The following KALRN variants were observed in gnomAD, a reference collection of about 807,000 sequenced individuals.
KALRN encodes kalirin RhoGEF kinase, also known as kalirin.
In KALRN, 70 loss-of-function variants were observed where a neutral mutation model predicts 353.7. The ratio of observed to expected loss-of-function variants is 0.20; its 90% confidence interval spans 0.16 to 0.24. The LOEUF is 0.24. Ranked by LOEUF, KALRN falls within the 10% of genes least tolerant of loss-of-function variation. The pLI is 1.00. For missense variants in KALRN, 2,791 were observed against 3,756.7 expected, an observed-to-expected ratio of 0.74 and a Z score of 6.72; for synonymous variants, 1,391 against 1,434.8, an observed-to-expected ratio of 0.97 and a Z score of 0.69.
chr3:124,538,437 G>A (rs1404444169), intron 33 of KALRN, among the ~76,000 whole-genome samples: 3 of 152,164 alleles, frequency 2.0e-5, no homozygotes, highest in Non-Finnish European at 1.5e-5. Flanking sequence ...TGTGTGCATT[G>A]TGAATAAGGT....
At chr3:124,553,780 C>T (rs1229814786) in intron 33 of KALRN, among the ~76,000 whole-genome samples, 2 of 152,234 alleles carry the variant, frequency 1.3e-5, no homozygotes, top group African/African-American at 2.4e-5. Context: ...CCAGGAGATG[C>T]CTCCCTGTAG....
chr3:124,488,268 G>C lies in KALRN; in HGVS notation c.4349G>C (p.Ser1450Thr). 2 of 1,614,056 alleles carry C rather than the reference G, an allele frequency of 1.2e-6. No individual in the cohort carries two copies. The highest frequency in any genetic ancestry group is 1.7e-6 in the Non-Finnish European group (2 of 1,179,932). ...AAGGATGGCCTGGAGGTGATGCTCA[G>C]TGTCCCAAAGAAAGCCAATGATGCC... ...ELKDGLEVML[S>T]VPKKANDAMH... is the part of the protein sequence containing the mutation. Residue 1450 changes from serine (S) to threonine (T), a missense_variant, in exon 29 of 60, where the codon AGT becomes ACT. Ser to Thr is a moderately conservative substitution (Grantham distance 58). Around this residue, in one of 11 missense-constraint regions of KALRN, gnomAD observed 54 missense variants for 131.7 expected, o/e 0.41. Transcript: ENST00000682506.
At chr3:124,063,508 C>T (rs1334041232) in intron 1 of KALRN, among the ~76,000 whole-genome samples, 1 of 151,970 alleles carries the variant, frequency 6.6e-6, no homozygotes, top group Non-Finnish European at 1.5e-5. Flanking sequence ...GATGTGGGTG[C>T]GATGGGGGAA....
intron 6 of KALRN, among the ~76,000 whole-genome samples, chr3:124,302,559 G>T (rs146658953): frequency 3.0e-4 from 46 of 152,294 alleles, no homozygotes; most frequent in African/African-American, 1.1e-3. Flanking sequence ...TAACTTACCT[G>T]TTCTGTTTTA....
chr3:124,286,082 C>CCTTCCTTTCTTTCTTT (rs1553893895), intron 5 of KALRN, among the ~76,000 whole-genome samples: 1,358 of 102,214 alleles, frequency 0.013, 16 homozygotes, highest in South Asian at 0.023. Flanking sequence ...TTCTTTCCTT[C>CCTTCCTTTCTTTCTTT]CTTTCTTTCT....
At chr3:124,434,873 A>G (rs1489208891) in intron 17 of KALRN, among the ~76,000 whole-genome samples, 3 of 152,212 alleles carry the variant, frequency 2.0e-5, no homozygotes, top group Admixed American at 2.0e-4. Flanking sequence ...AGTGACATAA[A>G]ACAATAAACA....
chr3:124,264,780 C>A (rs2073306018), intron 4 of KALRN, 90 bp downstream of exon 4: 1 of 1,095,200 alleles, frequency 9.1e-7, no homozygotes, highest in Non-Finnish European at 1.4e-6. Context: ...ATCTACCATA[C>A]AGTATGTGAC....
chr3:124,544,378 T>C (rs1297232023), intron 33 of KALRN, among the ~76,000 whole-genome samples: 1 of 152,098 alleles, frequency 6.6e-6, no homozygotes, highest in African/African-American at 2.4e-5. Flanking sequence ...CTAGCCAACA[T>C]GGCAAAACCC....
chr3:124,686,798 ATTTTTTTTTTTTTTT>A (rs10599336), intron 51 of KALRN, among the ~76,000 whole-genome samples: 14 of 70,832 alleles, frequency 2.0e-4, no homozygotes, highest in South Asian at 6.1e-4. Flanking sequence ...CACTGGTGAG[ATTTTTTTTTTTTTTT>A]TTTTTTTTTT....
chr3:124,562,903 G>A lies in KALRN; in HGVS notation c.4996G>A (p.Glu1666Lys), dbSNP rs539171441. Reference sequence around the variant, plus strand: ...GGACTTCAGTGCGGGCCACAGCAGTGAGCTGACCATCCAGGTGGGGCAGAC... The same window carrying A: ...GGACTTCAGTGCGGGCCACAGCAGTAAGCTGACCATCCAGGTGGGGCAGAC... ...LQDFSAGHSSELTIQVGQTVE... is the reference protein window; with the variant it reads ...LQDFSAGHSSKLTIQVGQTVE... Residue 1666 changes from glutamate to lysine, a missense_variant, in exon 34 of 60, where the codon GAG (glutamate) becomes AAG (lysine). Around this residue, in one of 11 missense-constraint regions of KALRN, gnomAD observed 239 missense variants for 351.3 expected, o/e 0.68. Transcript: ENST00000682506. 6 of 1,367,852 alleles carry A rather than the reference G, an allele frequency of 4.4e-6. No homozygotes were observed. In the Admixed American group the frequency reaches 5.7e-5, roughly 13 times the overall value. The allele number at this position is 1,367,852 out of a possible 1,614,324, so 84.7% of individuals were successfully genotyped here.
At chr3:124,356,302 A>G (rs2083395161) in intron 10 of KALRN, among the ~76,000 whole-genome samples, 1 of 148,418 alleles carries the variant, frequency 6.7e-6, no homozygotes. Context: ...GACACTGAAC[A>G]GATTGTTCTC....
chr3:124,202,102 G>A (rs951580740), intron 1 of KALRN, among the ~76,000 whole-genome samples: 3 of 152,210 alleles, frequency 2.0e-5, no homozygotes, highest in Non-Finnish European at 2.9e-5. Flanking sequence ...AGCTAGCTCA[G>A]GTTGCAAGTA....
chr3:124,250,028 G>A (rs2070898165), intron 3 of KALRN, among the ~76,000 whole-genome samples: 1 of 152,164 alleles, frequency 6.6e-6, no homozygotes, highest in Non-Finnish European at 1.5e-5. Flanking sequence ...TAGAGCTCCT[G>A]CACTGGTTGG....
chr3:124,691,752 C>T (rs1014476860), intron 51 of KALRN, among the ~76,000 whole-genome samples: 4 of 152,220 alleles, frequency 2.6e-5, no homozygotes, highest in Non-Finnish European at 5.9e-5. Context: ...GCCATTCTCC[C>T]TGCCTTATCC....
intron 29 of KALRN, 80 bp downstream of exon 29, chr3:124,488,395 T>A (rs1355214161): frequency 1.1e-6 from 1 of 942,416 alleles, no homozygotes. Flanking sequence ...GGAAGTGGCA[T>A]GAAGTTAGAC....
At chr3:124,551,968 T>A (rs997158072) in intron 33 of KALRN, among the ~76,000 whole-genome samples, 13 of 152,198 alleles carry the variant, frequency 8.5e-5, no homozygotes, top group African/African-American at 3.1e-4. Flanking sequence ...AATCTTTAGC[T>A]AGTCATTTTA....
intron 10 of KALRN, among the ~76,000 whole-genome samples, chr3:124,368,230 A>G (rs1255327337): frequency 2.8e-4 from 32 of 114,344 alleles, no homozygotes; most frequent in Non-Finnish European, 3.4e-4. Flanking sequence ...ACGGCTGGCC[A>G]GGCGGGGGGC....
At chr3:124,357,961 A>C (rs2149659247) in intron 10 of KALRN, among the ~76,000 whole-genome samples, 1 of 152,278 alleles carries the variant, frequency 6.6e-6, no homozygotes, top group Non-Finnish European at 1.5e-5. Flanking sequence ...CAACTCTAAG[A>C]ATGATAAGAG....
chr3:124,428,651 A>G (rs540626682), intron 15 of KALRN, among the ~76,000 whole-genome samples: 38 of 152,340 alleles, frequency 2.5e-4, no homozygotes, highest in Non-Finnish European at 4.6e-4. Context: ...CTAAAATCAA[A>G]TCTCCCACTT....
Sources: gnomAD v4.1 joint callset for allele counts (sites outside exome capture counted in the v4.1 genomes callset) on GRCh38, gnomAD v4.1.1 for gene constraint, gnomAD v4.1.1 regional missense constraint, MANE v1.5 for transcripts, NCBI Gene and HGNC (gene_info 2026-07-23, HGNC 2026-07-21) for gene names.